ESRRG: variants seen among roughly 807,000 people sequenced by gnomAD.
ESRRG encodes the protein estrogen related receptor gamma.
Under a neutral mutation model 44.0 loss-of-function variants are expected in ESRRG, and 13 were observed. The observed-to-expected ratio is 0.30, with a 90% confidence interval of 0.19 to 0.47. ESRRG has a LOEUF of 0.47. Ranked by LOEUF, ESRRG falls within the 20% of genes least tolerant of loss-of-function variation. The probability of loss-of-function intolerance (pLI) is 1.00; values close to 1 mark genes in which losing one functional copy is unlikely to be tolerated. For synonymous variants in ESRRG, 215 were observed against 214.6 expected, an observed-to-expected ratio of 1.00 and a Z score of -0.02; for missense variants, 395 against 580.6, an observed-to-expected ratio of 0.68 and a Z score of 3.29.
At chr1:216,611,404 A>AT (rs1353309787) in intron 3 of ESRRG, among the ~76,000 whole-genome samples, 1 of 152,148 alleles carries the variant, frequency 6.6e-6, no homozygotes, top group Non-Finnish European at 1.5e-5. Flanking sequence ...GCAGGGAGTC[A>AT]TTAGATACAA....
At chr1:216,806,540 C>T (rs959876353) in intron 2 of ESRRG, among the ~76,000 whole-genome samples, 7 of 152,074 alleles carry the variant, frequency 4.6e-5, no homozygotes, top group South Asian at 4.1e-4. Flanking sequence ...TGAGGCATGA[C>T]GATGCAAAAG....
intron 2 of ESRRG, among the ~76,000 whole-genome samples, chr1:216,915,409 C>T (rs995692600): frequency 1.3e-5 from 2 of 152,300 alleles, no homozygotes. Flanking sequence ...AACCACCACA[C>T]ATTCCTCTCT....
chr1:216,786,986 A>C (rs901385147), intron 2 of ESRRG, among the ~76,000 whole-genome samples: 2 of 152,042 alleles, frequency 1.3e-5, no homozygotes, highest in Non-Finnish European at 2.9e-5. Flanking sequence ...TTGCAAATGG[A>C]AGGTTTGTGG....
chr1:216,923,675 T>C (rs145405330), intron 2 of ESRRG, among the ~76,000 whole-genome samples: 1 of 152,210 alleles, frequency 6.6e-6, no homozygotes, highest in Non-Finnish European at 1.5e-5. Context: ...AAGGACAGCA[T>C]CATTCCATCA....
intron 6 of ESRRG, among the ~76,000 whole-genome samples, chr1:216,512,383 G>A (rs981999257): frequency 6.6e-6 from 1 of 152,122 alleles, no homozygotes. Flanking sequence ...AAATGCCCTG[G>A]CATCTTCAAC....
chr1:216,641,288 T>C (rs548572469), intron 3 of ESRRG, among the ~76,000 whole-genome samples: 45 of 152,330 alleles, frequency 3.0e-4, no homozygotes, highest in African/African-American at 1.0e-3. Context: ...ATTTCTAATG[T>C]AATTGTGATT....
At chr1:216,705,332 AT>A (rs916229231) in intron 1 of ESRRG, among the ~76,000 whole-genome samples, 1 of 149,752 alleles carries the variant, frequency 6.7e-6, no homozygotes, top group Non-Finnish European at 1.5e-5. Flanking sequence ...ATTATTTTCT[AT>A]TTTTTTATAT....
chr1:217,129,093 T>A (rs2092926257), intron 1 of ESRRG, among the ~76,000 whole-genome samples: 1 of 152,068 alleles, frequency 6.6e-6, no homozygotes, highest in African/African-American at 2.4e-5. Context: ...AAATCCTATA[T>A]CTTAGGATTT....
chr1:216,779,682 C>G (rs1307338363), intron 2 of ESRRG, among the ~76,000 whole-genome samples: 2 of 146,714 alleles, frequency 1.4e-5, no homozygotes, highest in African/African-American at 5.1e-5. Flanking sequence ...AGATTTAAAA[C>G]TATTTTAGCA....
chr1:216,961,907 C>T (rs2150184451), intron 1 of ESRRG, among the ~76,000 whole-genome samples: 1 of 152,196 alleles, frequency 6.6e-6, no homozygotes, highest in East Asian at 1.9e-4. Context: ...TAAATTGTGA[C>T]ATAATCTTTA....
chr1:216,887,647 T>C (rs1348936141), intron 2 of ESRRG, among the ~76,000 whole-genome samples: 1 of 152,180 alleles, frequency 6.6e-6, no homozygotes, highest in East Asian at 1.9e-4. Flanking sequence ...AACTGACCTA[T>C]TCATAAATGC....
At chr1:216,778,272 A>C (rs2093687484) in intron 2 of ESRRG, among the ~76,000 whole-genome samples, 2 of 152,028 alleles carry the variant, frequency 1.3e-5, no homozygotes, top group Admixed American at 6.6e-5. Context: ...TCCAAAGTTC[A>C]AATGCCTCTT....
At chr1:216,609,376 A>G (rs138897466) in intron 3 of ESRRG, among the ~76,000 whole-genome samples, 38 of 152,292 alleles carry the variant, frequency 2.5e-4, no homozygotes, top group Non-Finnish European at 4.4e-4. Context: ...AGAAGTCAAC[A>G]CTTATTCTGT....
At chr1:216,796,757 ACTTT>A (rs1360065640) in intron 2 of ESRRG, among the ~76,000 whole-genome samples, 1 of 151,632 alleles carries the variant, frequency 6.6e-6, no homozygotes, top group Non-Finnish European at 1.5e-5. Flanking sequence ...CCCTCTCCAC[ACTTT>A]CTTATGCTCA....
At chr1:216,920,778 C>T (rs950915344) in intron 2 of ESRRG, among the ~76,000 whole-genome samples, 3 of 152,134 alleles carry the variant, frequency 2.0e-5, no homozygotes, top group African/African-American at 7.2e-5. Flanking sequence ...CAGGATCTGT[C>T]CTGGAACATG....
chr1:216,550,481 G>A (rs559745837), intron 5 of ESRRG, among the ~76,000 whole-genome samples: 4 of 152,052 alleles, frequency 2.6e-5, no homozygotes, highest in South Asian at 2.1e-4. Flanking sequence ...CAATCACTCC[G>A]CTGCCAACAA....
intron 1 of ESRRG, among the ~76,000 whole-genome samples, chr1:216,995,290 A>C (rs981066069): frequency 2.0e-5 from 3 of 152,162 alleles, no homozygotes; most frequent in African/African-American, 7.2e-5. Flanking sequence ...CTGATGACTG[A>C]AACGACTTCC....
At chr1:216,959,006 C>T (rs763537801) in intron 1 of ESRRG, among the ~76,000 whole-genome samples, 10 of 152,080 alleles carry the variant, frequency 6.6e-5, no homozygotes, top group Non-Finnish European at 1.2e-4. Context: ...CCCATGAAGA[C>T]GTGATTATTT....
intron 3 of ESRRG, among the ~76,000 whole-genome samples, chr1:216,610,858 G>A (rs957514583): frequency 6.6e-6 from 1 of 152,112 alleles, no homozygotes; most frequent in Non-Finnish European, 1.5e-5. Flanking sequence ...GGTTAAGTAA[G>A]TGCCCAGGTT....
Sources: gnomAD v4.1 joint callset for allele counts (sites outside exome capture counted in the v4.1 genomes callset) on GRCh38, gnomAD v4.1.1 for gene constraint, MANE v1.5 for transcripts, NCBI Gene and HGNC (gene_info 2026-07-23, HGNC 2026-07-21) for gene names.